The following CDK14 variants were observed in gnomAD, a reference collection of about 807,000 sequenced individuals.
CDK14 encodes cyclin-dependent kinase 14.
In CDK14, 34 loss-of-function variants were observed where a neutral mutation model predicts 60.7. The ratio of observed to expected loss-of-function variants is 0.56; its 90% confidence interval spans 0.43 to 0.75. The LOEUF is 0.75. Among genes scored for constraint, CDK14 ranks in the 30% least tolerant of loss-of-function variants. The pLI is 0.00. For synonymous variants in CDK14, 197 were observed against 203.7 expected (o/e 0.97, Z 0.28); for missense variants, 482 against 564.1 (o/e 0.85, Z 1.47).
chr7:90,678,485 A>ATGTC (rs1215042692), intron 2 of CDK14, among the ~76,000 whole-genome samples: 1 of 152,190 alleles, frequency 6.6e-6, no homozygotes, highest in East Asian at 1.9e-4. Context: ...CCTGAGGGTG[A>ATGTC]TGTCTGTGCT....
chr7:90,865,848 A>G (rs952644247), intron 6 of CDK14, among the ~76,000 whole-genome samples: 2 of 152,186 alleles, frequency 1.3e-5, no homozygotes, highest in Non-Finnish European at 2.9e-5. Flanking sequence ...CCTAAAGGTT[A>G]GGGAGATGAA....
intron 14 of CDK14, among the ~76,000 whole-genome samples, chr7:91,147,848 C>G (rs890649642): frequency 2.6e-5 from 4 of 151,870 alleles, no homozygotes; most frequent in Non-Finnish European, 5.9e-5. Context: ...TTATTTTTGT[C>G]TTTGTTTCTA....
At chr7:90,613,969 C>T (rs1799596751) in intron 2 of CDK14, among the ~76,000 whole-genome samples, 1 of 150,392 alleles carries the variant, frequency 6.6e-6, no homozygotes, top group Non-Finnish European at 1.5e-5. Context: ...AGATTCCAGT[C>T]CTGAGTGTTT....
At chr7:90,777,833 C>T (rs1313479390) in intron 4 of CDK14, among the ~76,000 whole-genome samples, 2 of 152,212 alleles carry the variant, frequency 1.3e-5, no homozygotes, top group Non-Finnish European at 2.9e-5. Flanking sequence ...CCTGATCATC[C>T]ACTATGCCTC....
intron 9 of CDK14, among the ~76,000 whole-genome samples, chr7:90,965,294 C>G (rs1794718918): frequency 6.6e-6 from 1 of 152,192 alleles, no homozygotes; most frequent in African/African-American, 2.4e-5. Flanking sequence ...GGAATTGCAT[C>G]CTCTCAGCTG....
intron 7 of CDK14, among the ~76,000 whole-genome samples, chr7:90,904,806 C>T (rs775491073): frequency 2.0e-5 from 3 of 151,782 alleles, no homozygotes; most frequent in Non-Finnish European, 2.9e-5. Flanking sequence ...AAAGAAAAAT[C>T]GATAAAAAAG....
rs968089039 is a variant in CDK14 at position 90,635,449 on chromosome 7, T to C, written c.123+31200T>C. 9.1e-3 allele frequency among the ~76,000 whole-genome samples: 1,388 copies of C among 152,304 alleles called. 13 individuals carry two copies. Among genetic ancestry groups the C allele is most frequent in the African/African-American group, 0.031 (1,280 of 41,552 alleles). ...GTCAAAGATCAGATAGTTGTAGATA[T>C]GTGGTGTTATTTCTGAGGGCTCTGT... On this transcript the variant is annotated intron_variant, in intron 2 of 14. Transcript: ENST00000380050.
chr7:90,951,626 CAA>C (rs35859984), intron 8 of CDK14, among the ~76,000 whole-genome samples: 2 of 151,352 alleles, frequency 1.3e-5, no homozygotes, highest in Non-Finnish European at 3.0e-5. Context: ...TTACCACCTA[CAA>C]AAAAAAGGAT....
At chr7:90,942,487 C>A (rs955026499) in intron 8 of CDK14, among the ~76,000 whole-genome samples, 1 of 152,338 alleles carries the variant, frequency 6.6e-6, no homozygotes, top group South Asian at 2.1e-4. Context: ...TCACAACCAA[C>A]AGTCCCACAT....
intron 10 of CDK14, among the ~76,000 whole-genome samples, chr7:91,010,142 GCCACAC>G (rs1335568697): frequency 6.6e-6 from 1 of 152,050 alleles, no homozygotes; most frequent in Non-Finnish European, 1.5e-5. Context: ...TGATGTCAGT[GCCACAC>G]TGTCTTGATT....
intron 7 of CDK14, among the ~76,000 whole-genome samples, chr7:90,902,440 C>A (rs1792539826): frequency 6.6e-6 from 1 of 152,064 alleles, no homozygotes; most frequent in African/African-American, 2.4e-5. Context: ...AGAGAACCCC[C>A]AAATTAATCT....
chr7:91,135,221 G>C (rs1800242680), intron 14 of CDK14, among the ~76,000 whole-genome samples: 1 of 151,942 alleles, frequency 6.6e-6, no homozygotes, highest in South Asian at 2.1e-4. Context: ...CAGAGGGTTG[G>C]GGGTGAAAAG....
chr7:90,672,985 A>G (rs538784824), intron 2 of CDK14, among the ~76,000 whole-genome samples: 1 of 152,322 alleles, frequency 6.6e-6, no homozygotes, highest in South Asian at 2.1e-4. Flanking sequence ...TTAGGTTGCC[A>G]TAATTTAAAT....
At chr7:91,192,898 C>T (rs936171612) in intron 14 of CDK14, among the ~76,000 whole-genome samples, 2 of 152,198 alleles carry the variant, frequency 1.3e-5, no homozygotes, top group African/African-American at 4.8e-5. Flanking sequence ...GTATGCTTCT[C>T]CTGTTGGCTG....
At chr7:90,811,953 A>G (rs1457676761) in intron 5 of CDK14, among the ~76,000 whole-genome samples, 1 of 152,226 alleles carries the variant, frequency 6.6e-6, no homozygotes, top group Non-Finnish European at 1.5e-5. Context: ...CGATCATTAA[A>G]AAGTCAGGAA....
intron 5 of CDK14, among the ~76,000 whole-genome samples, chr7:90,839,461 T>A (rs1404625096): frequency 6.6e-6 from 1 of 152,168 alleles, no homozygotes; most frequent in Non-Finnish European, 1.5e-5. Flanking sequence ...GTGACGAAGG[T>A]TGTATACAGG....
chr7:90,678,608 G>A (rs921078618), intron 2 of CDK14, among the ~76,000 whole-genome samples: 3 of 151,998 alleles, frequency 2.0e-5, no homozygotes, highest in South Asian at 2.1e-4. Flanking sequence ...TTGTTATTCC[G>A]GTATGTTGTG....
At chr7:90,803,727 A>G (rs922777266) in intron 5 of CDK14, among the ~76,000 whole-genome samples, 1 of 152,238 alleles carries the variant, frequency 6.6e-6, no homozygotes, top group Admixed American at 6.5e-5. Context: ...TTTACAAGTC[A>G]TATTCGAGTA....
chr7:90,790,613 C>T lies in CDK14; in HGVS notation c.505C>T (p.Gln169Ter), dbSNP rs779366057. Residue 169 changes from glutamine (Q) to a stop codon, truncating the protein, a stop_gained, in exon 5 of 15, where the codon CAG becomes TAG. Coordinates refer to ENST00000380050, the MANE Select transcript of CDK14 (RefSeq NM_001287135.2). LOFTEE classifies it high-confidence loss of function. ...GGTAGCTCTGAAGGTGATCAGGCTG[C>T]AGGAAGAAGAAGGGACACCTTTCAC... is the stretch of plus-strand genomic sequence containing the variant. ...KLVALKVIRL[Q>*]EEEGTPFTAI... The T allele has an allele frequency of 8.7e-6, 14 of 1,612,612 alleles. No homozygotes were observed. Among genetic ancestry groups the T allele is most frequent in the Non-Finnish European group, 1.2e-5 (14 of 1,179,052 alleles).
Sources: gnomAD v4.1 joint callset for allele counts (sites outside exome capture counted in the v4.1 genomes callset) on GRCh38, gnomAD v4.1.1 for gene constraint, MANE v1.5 for transcripts, NCBI Gene and HGNC (gene_info 2026-07-23, HGNC 2026-07-21) for gene names.